The following TAFA2 variants were observed in gnomAD, a reference collection of about 807,000 sequenced individuals.
TAFA2 encodes the protein TAFA chemokine like family member 2.
Under a neutral mutation model 18.8 loss-of-function variants are expected in TAFA2, and 7 were observed. That is an observed-to-expected ratio of 0.37 (90% CI 0.21 to 0.70). The LOEUF is 0.70. Ranked by LOEUF, TAFA2 falls within the 30% of genes least tolerant of loss-of-function variation. TAFA2 has a pLI of 0.53. For synonymous variants in TAFA2, 60 were observed against 54.2 expected (o/e 1.11, Z -0.47); for missense variants, 122 against 158.1 (o/e 0.77, Z 1.23).
chr12:61,890,443 G>A (rs1234020809), intron 1 of TAFA2: 1 of 152,216 alleles, frequency 6.6e-6, no homozygotes, highest in East Asian at 1.9e-4. Context: ...AAAGACACAG[G>A]TCTGTTTCAG....
chr12:62,166,067 A>G (rs1290676984), intron 1 of TAFA2, among the ~76,000 whole-genome samples: 19 of 152,014 alleles, frequency 1.2e-4, no homozygotes, highest in Admixed American at 1.2e-3. Flanking sequence ...CAGGAAAGCT[A>G]TTGGCTAAAT....
At chr12:61,895,696 C>T (rs1394778797) in intron 1 of TAFA2, among the ~76,000 whole-genome samples, 3 of 152,054 alleles carry the variant, frequency 2.0e-5, no homozygotes, top group Non-Finnish European at 2.9e-5. Context: ...AGAGAGTGAA[C>T]GTTTTAGAGG....
chr12:61,712,741 C>T (rs1869470944), intron 4 of TAFA2, among the ~76,000 whole-genome samples: 1 of 152,022 alleles, frequency 6.6e-6, no homozygotes, highest in Admixed American at 6.6e-5. Flanking sequence ...AATATCCTAG[C>T]ATATGAGATG....
At chr12:61,955,600 C>CAA (rs869189343) in intron 1 of TAFA2, among the ~76,000 whole-genome samples, 14 of 38,938 alleles carry the variant, frequency 3.6e-4, no homozygotes, top group African/African-American at 5.1e-4. Flanking sequence ...GACTCCATCT[C>CAA]AAAAAAAAAA....
rs149786874 is a variant in TAFA2 at position 61,755,464 on chromosome 12, G to C, written c.107-440C>G. Among the ~76,000 whole-genome samples the C allele has an allele frequency of 1.7e-3, 253 of 152,218 alleles. 1 individual carries two copies. Among genetic ancestry groups the C allele is most frequent in the African/African-American group, 5.6e-3 (234 of 41,578 alleles). On this transcript the variant is annotated intron_variant, in intron 2 of 4. Coordinates refer to ENST00000416284, the MANE Select transcript of TAFA2 (RefSeq NM_178539.5). ...ATAAAGCTTGTGTTCTTCTAGGGGA[G>C]AGTAAGAGGACTAGGCAGGAAGTGG...
intron 1 of TAFA2, among the ~76,000 whole-genome samples, chr12:61,941,693 G>C (rs1878024823): frequency 6.6e-6 from 1 of 152,212 alleles, no homozygotes; most frequent in South Asian, 2.1e-4. Flanking sequence ...AGGGGTGACA[G>C]ATGCACCTGG....
At chr12:61,717,887 G>A (rs1387528339) in intron 4 of TAFA2, among the ~76,000 whole-genome samples, 2 of 152,120 alleles carry the variant, frequency 1.3e-5, no homozygotes, top group African/African-American at 2.4e-5. Context: ...TGAAACTTGA[G>A]TTTTTATCTA....
At chr12:62,259,563 A>G (rs1432487629), upstream of TAFA2, 1 of 152,260 alleles carries the variant, frequency 6.6e-6, no homozygotes, top group Non-Finnish European at 1.5e-5. Flanking sequence ...ACTTCAAATT[A>G]AAGACATATC....
At chr12:62,055,655 T>C (rs1328247053) in intron 1 of TAFA2, among the ~76,000 whole-genome samples, 2 of 152,210 alleles carry the variant, frequency 1.3e-5, no homozygotes, top group Non-Finnish European at 2.9e-5. Flanking sequence ...ATTAGCTATC[T>C]GGTTATATTT....
At chr12:62,187,624 T>G (rs1189102801) in intron 1 of TAFA2, among the ~76,000 whole-genome samples, 1 of 152,226 alleles carries the variant, frequency 6.6e-6, no homozygotes, top group Non-Finnish European at 1.5e-5. Context: ...AAAATTTCTG[T>G]AAGATTAAGA....
chr12:62,164,270 C>T (rs2062424826), intron 1 of TAFA2, among the ~76,000 whole-genome samples: 1 of 152,158 alleles, frequency 6.6e-6, no homozygotes, highest in Non-Finnish European at 1.5e-5. Context: ...CTCAACAACT[C>T]TCTCTCTTGA....
At chr12:62,228,655 A>G (rs1426673093) in intron 1 of TAFA2, among the ~76,000 whole-genome samples, 6 of 152,166 alleles carry the variant, frequency 3.9e-5, no homozygotes, top group Non-Finnish European at 7.4e-5. Context: ...GAACTCAGGT[A>G]GTGTGATATC....
chr12:61,793,685 A>C (rs867618134), intron 2 of TAFA2, among the ~76,000 whole-genome samples: 2 of 151,958 alleles, frequency 1.3e-5, no homozygotes, highest in South Asian at 4.1e-4. Flanking sequence ...AAATTATACC[A>C]ATTCTATGAA....
At chr12:61,717,160 T>TAAA (rs1418622236) in intron 4 of TAFA2, among the ~76,000 whole-genome samples, 1 of 152,198 alleles carries the variant, frequency 6.6e-6, no homozygotes, top group Admixed American at 6.5e-5. Flanking sequence ...TAGCAGGTTT[T>TAAA]CTCATTTAAG....
chr12:61,764,398 A>G (rs1024489465), intron 2 of TAFA2, among the ~76,000 whole-genome samples: 4 of 152,038 alleles, frequency 2.6e-5, no homozygotes. Context: ...TATTCCTATA[A>G]GCATTCCTAG....
chr12:61,775,905 C>T (rs6581431), intron 2 of TAFA2: 154,548 of 177,848 alleles, frequency 0.87, 67,268 homozygotes, highest in African/African-American at 0.92. Flanking sequence ...AACTTCCATA[C>T]TTCAGTAATA....
intron 1 of TAFA2, among the ~76,000 whole-genome samples, chr12:62,135,351 A>G (rs1198163553): frequency 6.6e-6 from 1 of 152,116 alleles, no homozygotes; most frequent in Non-Finnish European, 1.5e-5. Flanking sequence ...GATATCAAGC[A>G]AAATGTCAGT....
At chr12:61,925,875 AC>A (rs1255630109) in intron 1 of TAFA2, among the ~76,000 whole-genome samples, 1 of 152,216 alleles carries the variant, frequency 6.6e-6, no homozygotes, top group Non-Finnish European at 1.5e-5. Flanking sequence ...GGAGATACAG[AC>A]ACGAAAAGCC....
rs143187537 is a variant in TAFA2, at chr12:62,237,086, A to G, written c.-130+21677T>C. 5.3e-5 allele frequency among the ~76,000 whole-genome samples: 8 copies of G among 151,836 alleles called. No individual in the cohort carries two copies. The East Asian group carries it at 1.6e-3, about 30-fold the overall frequency. ...TTCCTTGAACACCAATGACTCTTAT[A>G]TTTTTCTCTTTTGAGTTTATTTTCT... On this transcript the variant is annotated intron_variant, in intron 1 of 5. Transcript: ENST00000551619.
Sources: gnomAD v4.1 joint callset for allele counts (sites outside exome capture counted in the v4.1 genomes callset) on GRCh38, gnomAD v4.1.1 for gene constraint, MANE v1.5 for transcripts, NCBI Gene and HGNC (gene_info 2026-07-23, HGNC 2026-07-21) for gene names.